Variants in TMEM131L observed in about 807,000 individuals in gnomAD.
TMEM131L encodes transmembrane 131 like.
A neutral mutation model predicts 192.2 loss-of-function variants in TMEM131L; 54 were observed. The ratio of observed to expected loss-of-function variants is 0.28; its 90% CI spans 0.23 to 0.35. The LOEUF is 0.35. Ranked by LOEUF, TMEM131L falls within the 10% of genes least tolerant of loss-of-function variation. The pLI is 1.00. For missense variants in TMEM131L, 1,888 were observed against 1,972.9 expected (o/e 0.96, Z 0.82); for synonymous variants, 701 against 704.9 (o/e 0.99, Z 0.09).
At chr4:153,624,124 A>AT (rs1319967364) in intron 29 of TMEM131L, among the ~76,000 whole-genome samples, 10 of 120,042 alleles carry the variant, frequency 8.3e-5, no homozygotes, top group Non-Finnish European at 1.1e-4. Flanking sequence ...TTTTTTAATT[A>AT]TTTATTTTTT....
chr4:153,497,878 CAAAA>C (rs200874155), intron 3 of TMEM131L, among the ~76,000 whole-genome samples: 891 of 70,336 alleles, frequency 0.013, 9 homozygotes, highest in African/African-American at 0.035. Context: ...GAAAAATTTC[CAAAA>C]AAAAAAAAAA....
intron 3 of TMEM131L, among the ~76,000 whole-genome samples, chr4:153,477,024 T>C (rs2149767480): frequency 6.6e-6 from 1 of 152,216 alleles, no homozygotes; most frequent in East Asian, 1.9e-4. Context: ...AATTGAGGAA[T>C]GTTGATATCA....
At position 153,583,205 on chromosome 4, in the gene TMEM131L, A is replaced by C; in HGVS notation, c.908A>C (p.Asn303Thr). The change falls in exon 10 of 35, where the codon AAT becomes ACT. Residue 303 changes from asparagine (N) to threonine (T), a missense_variant. By Grantham distance (65) the Asn-to-Thr change is moderately conservative. Coordinates refer to ENST00000409959, the MANE Select transcript of TMEM131L (RefSeq NM_001131007.2). ...TTTTGGACAGATGATTCAGCAGTAA[A>C]TATGTATATATTACATTCAGGAAAC... ...ESETSDDSAV[N>T]MYILHSGNSL... 1 of 1,446,214 alleles carries C rather than the reference A, an allele frequency of 6.9e-7. No individual in the cohort carries two copies. The highest frequency in any genetic ancestry group is 1.7e-5 in the Admixed American group (1 of 59,710). The allele number at this position is 1,446,214 out of a possible 1,614,324, so 89.6% of individuals were successfully genotyped here.
At chr4:153,625,072 C>G (rs1047241071) in intron 29 of TMEM131L, among the ~76,000 whole-genome samples, 1 of 152,208 alleles carries the variant, frequency 6.6e-6, no homozygotes, top group African/African-American at 2.4e-5. Flanking sequence ...GCATGTGCAT[C>G]TACCACAGAA....
chr4:153,485,664 CCAAA>C (rs763914967), intron 3 of TMEM131L, among the ~76,000 whole-genome samples: 2 of 152,122 alleles, frequency 1.3e-5, no homozygotes, highest in Admixed American at 6.5e-5. Flanking sequence ...GAATTACAAT[CCAAA>C]CAGTGTTCGA....
chr4:153,621,655 T>G (rs754231978), intron 27 of TMEM131L, 28 bp from the exon 28 acceptor site: 56 of 1,610,046 alleles, frequency 3.5e-5, no homozygotes, highest in Admixed American at 2.4e-4. Flanking sequence ...TACAGATGTG[T>G]TTTTTTGTGT....
In TMEM131L at chr4:153,468,097, C is replaced by A. The variant is rs186176542; in HGVS notation, c.195+816C>A. Among the ~76,000 whole-genome samples, 83 of 152,248 alleles carry A rather than the reference C, an allele frequency of 5.5e-4. 1 individual carries two copies. The highest frequency in any genetic ancestry group is 1.4e-3 in the Admixed American group (22 of 15,292). ...TTTTTAAGATGTTCATTACTTCCCA[C>A]GGTGGTGGCAGCACTTAATTCTGTG... On this transcript the variant is annotated intron_variant, in intron 2 of 34. Coordinates refer to ENST00000409959, the MANE Select transcript of TMEM131L (RefSeq NM_001131007.2).
chr4:153,632,869 G>C (rs1408961112), intron 32 of TMEM131L, 31 bp downstream of exon 32: 1 of 1,613,424 alleles, frequency 6.2e-7, no homozygotes, highest in African/African-American at 1.3e-5. Flanking sequence ...TTGGTGCCTT[G>C]CTTAGTCTAA....
At chr4:153,585,647 T>C in intron 13 of TMEM131L, 36 bp downstream of exon 13, 1 of 1,515,252 alleles carries the variant, frequency 6.6e-7, no homozygotes, top group Non-Finnish European at 8.9e-7. Context: ...TTTTAGCTTA[T>C]TTTAAGCTTT....
chr4:153,467,184 G>C, intron 1 of TMEM131L, 27 bp from the exon 2 acceptor site: 1 of 1,550,158 alleles, frequency 6.5e-7, no homozygotes, highest in Non-Finnish European at 8.7e-7. Flanking sequence ...CATTAAAAAC[G>C]TGGTGTATTT....
In TMEM131L at chr4:153,602,225, A is replaced by G; in HGVS notation, c.2340A>G (p.Ile780Met). The change falls in exon 22 of 35, where the codon ATA becomes ATG. Residue 780 changes from isoleucine (I) to methionine (M), a missense_variant. Ile to Met is a conservative substitution (Grantham distance 10, BLOSUM62 1). Transcript: ENST00000409959. ...FKVENIGPLP[I>M]TVSSLKINGY... ...TTGAGAATATTGGACCTCTTCCTAT[A>G]ACTGTTTCGTCTCTGAAAATTAATG... is the stretch of plus-strand genomic sequence containing the variant. 1 of 1,613,136 alleles carries G rather than the reference A, an allele frequency of 6.2e-7. No individual in the cohort carries two copies. The highest frequency in any genetic ancestry group is 8.5e-7 in the Non-Finnish European group (1 of 1,179,442).
chr4:153,558,253 C>T lies in TMEM131L; in HGVS notation c.550-5C>T, dbSNP rs748819480. 61 of 1,484,624 alleles carry T rather than the reference C, an allele frequency of 4.1e-5. No individual in the cohort carries two copies. Among genetic ancestry groups the T allele is most frequent in the Middle Eastern group, 3.5e-4 (2 of 5,754 alleles). The allele number at this position is 1,484,624 out of a possible 1,614,324, so 92.0% of individuals were successfully genotyped here. A position where few individuals can be genotyped will look rare whatever the true frequency, so the allele number is the denominator to read the frequency against. Reference sequence around the variant, plus strand: ...AGAGGAGCAATTCTCTCTCTTTTTCCGCAGGTATCTGGAATTGGCACTCGT... The same window carrying T: ...AGAGGAGCAATTCTCTCTCTTTTTCTGCAGGTATCTGGAATTGGCACTCGT... On this transcript the variant is annotated splice_region_variant and splice_polypyrimidine_tract_variant and intron_variant, in intron 6 of 34. Transcript: ENST00000409959.
intron 3 of TMEM131L, among the ~76,000 whole-genome samples, chr4:153,548,472 T>C (rs554333583): frequency 1.6e-3 from 240 of 152,084 alleles, no homozygotes; most frequent in African/African-American, 5.6e-3. Flanking sequence ...GCCCAGCTAA[T>C]TTTTGTATTT....
rs1266287059 is a variant in TMEM131L, at chr4:153,622,907, A to T, written c.3869A>T (p.Tyr1290Phe). Residue 1290 changes from tyrosine (Y) to phenylalanine (F), a missense_variant, in exon 29 of 35, where the codon TAC (tyrosine) becomes TTC (phenylalanine). Tyr to Phe is a conservative substitution (Grantham distance 22). Transcript: ENST00000409959. ...PAAQREAEGY[Y>F]QKPEKKCVDK... is the part of the protein sequence containing the mutation. ...CTTTCACTTCCTCCAGAAGGTTACTACCAGAAGCCTGAGAAGAAATGTGTG... is the reference window on the plus strand; with the variant it reads ...CTTTCACTTCCTCCAGAAGGTTACTTCCAGAAGCCTGAGAAGAAATGTGTG... The T allele has an allele frequency of 6.2e-7, 1 of 1,614,030 alleles. No homozygotes were observed. Among genetic ancestry groups the T allele is most frequent in the East Asian group, 2.2e-5 (1 of 44,896 alleles).
chr4:153,548,090 T>C (rs1737326531), intron 3 of TMEM131L, among the ~76,000 whole-genome samples: 1 of 152,164 alleles, frequency 6.6e-6, no homozygotes, highest in Non-Finnish European at 1.5e-5. Context: ...GTGGTGGACC[T>C]GCTGTGGGCA....
chr4:153,605,632 A>G (rs923150250), intron 25 of TMEM131L, among the ~76,000 whole-genome samples: 5 of 152,194 alleles, frequency 3.3e-5, no homozygotes, highest in African/African-American at 1.2e-4. Flanking sequence ...TGGGATTACA[A>G]GCGTGAGCCA....
At chr4:153,634,115 G>C in intron 32 of TMEM131L, 77 bp from the exon 33 acceptor site, 1 of 1,242,608 alleles carries the variant, frequency 8.0e-7, no homozygotes, top group East Asian at 2.3e-5. Context: ...ATGCTAGGCA[G>C]TAAAATCATT....
chr4:153,636,399 C>T lies in TMEM131L; in HGVS notation c.4656C>T (p.Ile1552=), dbSNP rs1734575424. 6.2e-7 allele frequency: 1 copy of T among 1,614,212 alleles called. No individual in the cohort carries two copies. The highest frequency in any genetic ancestry group is 2.2e-5 in the East Asian group (1 of 44,886). Residue 1552 remains isoleucine, a synonymous_variant, in exon 35 of 35, where the codon ATC becomes ATT. Transcript: ENST00000409959. ...QSDVYENCCP[I]NPTTEHSTHM... Reference sequence around the variant, plus strand: ...ATGTGTATGAAAATTGCTGCCCCATCAACCCCACCACGGAACATTCGACCC... The same window carrying T: ...ATGTGTATGAAAATTGCTGCCCCATTAACCCCACCACGGAACATTCGACCC...
At position 153,593,831 on chromosome 4, in the gene TMEM131L, C is replaced by A. The variant is rs1182593815; in HGVS notation, c.1955C>A (p.Thr652Lys). ...ACTGATATGCAGATGATTAATTTCA[C>A]AACTGGTGAATTCCAGCTCACCGAA... ...FGTDMQMINFTTGEFQLTEAC... is the reference protein window; with the variant it reads ...FGTDMQMINFKTGEFQLTEAC... The change falls in exon 19 of 35, where the codon ACA becomes AAA. Residue 652 changes from threonine (T) to lysine (K), a missense_variant. Thr to Lys is a moderately conservative substitution (Grantham distance 78). Transcript: ENST00000409959. 1 of 1,613,664 alleles carries A rather than the reference C, an allele frequency of 6.2e-7. No individual in the cohort carries two copies. Among genetic ancestry groups the A allele is most frequent in the East Asian group, 2.2e-5 (1 of 44,880 alleles).
Sources: allele counts gnomAD v4.1 joint callset (sites outside exome capture counted in the v4.1 genomes callset), GRCh38; gene constraint gnomAD v4.1.1; transcripts MANE v1.5; gene names NCBI Gene and HGNC (gene_info 2026-07-23, HGNC 2026-07-21).